Variants in ENOX1 observed in about 807,000 individuals in gnomAD.
ENOX1 encodes candidate growth-related and time keeping constitutive hydroquinone (NADH) oxidase.
ENOX1 carries 42 observed loss-of-function variants against 82.5 expected under a neutral mutation model. The observed-to-expected ratio is 0.51, with a 90% CI of 0.40 to 0.66. The LOEUF (loss-of-function observed/expected upper bound fraction) is 0.66. Among genes scored for constraint, ENOX1 ranks in the 30% least tolerant of loss-of-function variants. ENOX1 has a pLI of 0.00. For missense variants in ENOX1, 608 were observed against 811.6 expected (o/e 0.75, Z 3.05); for synonymous variants, 271 against 282.2 (o/e 0.96, Z 0.40).
intron 12 of ENOX1, among the ~76,000 whole-genome samples, chr13:43,282,643 C>T (rs1008725467): frequency 2.0e-5 from 3 of 151,782 alleles, no homozygotes; most frequent in Non-Finnish European, 4.4e-5. Flanking sequence ...AGGCTGGTCT[C>T]AAACTCCTGG....
chr13:43,645,611 C>T (rs2083862135), intron 2 of ENOX1, among the ~76,000 whole-genome samples: 1 of 152,184 alleles, frequency 6.6e-6, no homozygotes, highest in South Asian at 2.1e-4. Flanking sequence ...ATTACAATAT[C>T]AATTAATCAC....
At chr13:43,256,070 C>T (rs1388197619) in intron 14 of ENOX1, among the ~76,000 whole-genome samples, 1 of 152,138 alleles carries the variant, frequency 6.6e-6, no homozygotes, top group Non-Finnish European at 1.5e-5. Context: ...AAAGGACAGT[C>T]TTTTCAATAA....
chr13:43,370,283 C>T (rs2051142115), intron 5 of ENOX1, among the ~76,000 whole-genome samples: 1 of 152,052 alleles, frequency 6.6e-6, no homozygotes, highest in Admixed American at 6.5e-5. Flanking sequence ...AGGAGAATGG[C>T]ATGAACCTGG....
intron 9 of ENOX1, among the ~76,000 whole-genome samples, chr13:43,335,284 G>T (rs2048633216): frequency 1.3e-5 from 2 of 152,158 alleles, no homozygotes; most frequent in Non-Finnish European, 2.9e-5. Context: ...TCTTTGGTTG[G>T]AAAACAAACA....
intron 11 of ENOX1, among the ~76,000 whole-genome samples, chr13:43,314,668 A>G (rs1157621852): frequency 1.3e-5 from 2 of 152,242 alleles, no homozygotes; most frequent in East Asian, 3.8e-4. Context: ...TCTTTTGGCC[A>G]GTGTCCTACT....
rs1314559611 is a variant in ENOX1 at position 43,280,639 on chromosome 13, A to C, written c.1447-11062T>G. On this transcript the variant is annotated intron_variant, in intron 12 of 16. Coordinates refer to ENST00000690772, the MANE Select transcript of ENOX1 (RefSeq NM_001347969.2). ...CCATAGATGTCTGACTAAGGATGGA[A>C]AACTTTATTATGGATTTAGAAGGTC... Among the ~76,000 whole-genome samples the C allele has an allele frequency of 2.6e-5, 4 of 152,242 alleles. 1 individual carries two copies. Among genetic ancestry groups the C allele is most frequent in the Admixed American group, 2.6e-4 (4 of 15,286 alleles).
intron 2 of ENOX1, among the ~76,000 whole-genome samples, chr13:43,626,703 C>G (rs569918544): frequency 6.6e-6 from 1 of 151,928 alleles, no homozygotes; most frequent in Non-Finnish European, 1.5e-5. Flanking sequence ...TAAAATCACT[C>G]AAGCTATTAT....
intron 5 of ENOX1, among the ~76,000 whole-genome samples, chr13:43,372,417 G>C (rs1367575034): frequency 6.6e-6 from 1 of 152,184 alleles, no homozygotes; most frequent in Non-Finnish European, 1.5e-5. Context: ...CTAGCTACAA[G>C]AAACCAGACC....
intron 11 of ENOX1, among the ~76,000 whole-genome samples, chr13:43,303,417 A>G (rs1378100383): frequency 1.3e-5 from 2 of 152,188 alleles, no homozygotes; most frequent in African/African-American, 4.8e-5. Context: ...TGTGGCAGAG[A>G]CATTATCACG....
At chr13:43,625,832 T>C (rs541731894) in intron 2 of ENOX1, among the ~76,000 whole-genome samples, 1 of 152,102 alleles carries the variant, frequency 6.6e-6, no homozygotes, top group African/African-American at 2.4e-5. Flanking sequence ...CTGGTTCTAG[T>C]ATCAAGGAAA....
At chr13:43,422,924 C>G (rs927621074) in intron 3 of ENOX1, among the ~76,000 whole-genome samples, 9 of 152,154 alleles carry the variant, frequency 5.9e-5, no homozygotes, top group African/African-American at 2.2e-4. Context: ...TAAAGTGCCC[C>G]TCTTTCCATT....
At chr13:43,284,014 T>G (rs186412471) in intron 12 of ENOX1, among the ~76,000 whole-genome samples, 8 of 152,248 alleles carry the variant, frequency 5.3e-5, no homozygotes, top group Admixed American at 5.2e-4. Context: ...TTCTAACAAT[T>G]TAGTGTGGTC....
At position 43,616,200 on chromosome 13, in the gene ENOX1, ATATATTT is replaced by A. The variant is rs1451828506; in HGVS notation, c.-219+51272_-219+51278del. On this transcript the variant is annotated intron_variant, in intron 2 of 16. Coordinates refer to ENST00000690772, the MANE Select transcript of ENOX1 (RefSeq NM_001347969.2). ...TATCTATCTATCTATATATATATATATATATTTTTTTTTTTTTTTTAGGACGGAGTCT... is the reference window on the plus strand; with the variant it reads ...TATCTATCTATCTATATATATATATATTTTTTTTTTTTTAGGACGGAGTCT... Among the ~76,000 whole-genome samples the A allele has an allele frequency of 4.8e-3, 91 of 19,098 alleles. 22 individuals carry two copies. The highest frequency in any genetic ancestry group is 0.037 in the Admixed American group (30 of 812). 12.5% of individuals were successfully genotyped at this position (19,098 alleles called of 152,430 possible).
At chr13:43,290,514 C>T (rs1282593224) in intron 12 of ENOX1, among the ~76,000 whole-genome samples, 5 of 152,184 alleles carry the variant, frequency 3.3e-5, no homozygotes, top group Non-Finnish European at 7.3e-5. Flanking sequence ...AAACCAAATA[C>T]TGCATCTTCT....
At chr13:43,406,586 G>A (rs1225391703) in intron 5 of ENOX1, among the ~76,000 whole-genome samples, 2 of 150,614 alleles carry the variant, frequency 1.3e-5, no homozygotes, top group South Asian at 2.1e-4. Context: ...TCCGCCTCCC[G>A]GGTTCACGCC....
intron 1 of ENOX1, among the ~76,000 whole-genome samples, chr13:43,765,190 A>AG (rs1279151384): frequency 2.6e-5 from 4 of 152,146 alleles, no homozygotes; most frequent in Admixed American, 2.6e-4. Context: ...TGATGTATTT[A>AG]GGGAGAAAAA....
chr13:43,370,722 C>T (rs576434049), intron 5 of ENOX1, among the ~76,000 whole-genome samples: 2 of 152,316 alleles, frequency 1.3e-5, no homozygotes, highest in East Asian at 3.9e-4. Context: ...TTTAAAACCT[C>T]TATAGGTAAC....
intron 1 of ENOX1, among the ~76,000 whole-genome samples, chr13:43,708,839 T>C (rs1028922988): frequency 9.9e-5 from 15 of 152,140 alleles, no homozygotes; most frequent in Non-Finnish European, 2.1e-4. Context: ...GATCTTTCCA[T>C]ACACAAAACC....
chr13:43,555,973 C>T (rs759881554), intron 2 of ENOX1, among the ~76,000 whole-genome samples: 6 of 152,154 alleles, frequency 3.9e-5, no homozygotes, highest in Admixed American at 6.5e-5. Context: ...TACCTCCTCC[C>T]ACATTTAACA....
Sources: allele counts gnomAD v4.1 joint callset (sites outside exome capture counted in the v4.1 genomes callset), GRCh38; gene constraint gnomAD v4.1.1; transcripts MANE v1.5; gene names NCBI Gene and HGNC (gene_info 2026-07-23, HGNC 2026-07-21).